The following NECAB3 variants were observed in gnomAD, a reference collection of about 807,000 sequenced individuals.
The protein encoded by NECAB3 is N-terminal EF-hand calcium binding protein 3, also known as N-terminal EF-hand calcium-binding protein 3.
A neutral mutation model predicts 57.2 loss-of-function variants in NECAB3; 38 were observed. The ratio of observed to expected loss-of-function variants is 0.66; its 90% CI spans 0.51 to 0.87. The LOEUF (loss-of-function observed/expected upper bound fraction) is 0.87, where lower values mean the gene tolerates loss of function less well. Ranked by LOEUF, NECAB3 falls within the 40% of genes least tolerant of loss-of-function variation. The probability of loss-of-function intolerance (pLI) is 0.00; values close to 1 mark genes in which losing one functional copy is unlikely to be tolerated. For missense variants in NECAB3, 474 were observed against 527.5 expected, an observed-to-expected ratio of 0.90 and a Z score of 0.99; for synonymous variants, 223 against 222.6, an observed-to-expected ratio of 1.00 and a Z score of -0.02.
At chr20:33,668,337 G>A (rs541530780) in intron 5 of NECAB3, 1 of 1,484,348 alleles carries the variant, frequency 6.7e-7, no homozygotes, top group South Asian at 1.4e-5. Flanking sequence ...GGTTGGAGCT[G>A]ACTGGATGGG....
At chr20:33,662,136 C>G in intron 5 of NECAB3, 2 of 595,208 alleles carry the variant, frequency 3.4e-6, no homozygotes, top group Non-Finnish European at 5.8e-6. Flanking sequence ...CATGCATTGC[C>G]TCATTTATGA....
chr20:33,669,588 C>A (rs951241015), intron 4 of NECAB3, 99 bp downstream of exon 4: 48 of 1,534,212 alleles, frequency 3.1e-5, no homozygotes, highest in Middle Eastern at 1.7e-4. Context: ...CTGAGCCCAG[C>A]CCAACCTGTC....
intron 5 of NECAB3, chr20:33,662,393 C>T (rs1302876683): frequency 6.4e-7 from 1 of 1,551,548 alleles, no homozygotes; most frequent in Admixed American, 2.0e-5. Context: ...CCAAGCAGGC[C>T]CGCAAGGAGA....
rs142844709 is a variant in NECAB3 at position 33,673,648 on chromosome 20, T to A, written c.129+576A>T. 5.3e-4 allele frequency among the ~76,000 whole-genome samples: 80 copies of A among 151,952 alleles called. No individual in the cohort carries two copies. The Middle Eastern group carries it at 0.02, about 39-fold the overall frequency. ...GTGGGGAGGGGGTGGGAGACAGCTT[T>A]GCCTCCCTCTGGAGTTGGGGCATGA... On this transcript the variant is annotated intron_variant, in intron 1 of 11. Transcript: ENST00000246190.
intron 5 of NECAB3, chr20:33,663,481 G>A: frequency 1.3e-6 from 2 of 1,556,530 alleles, no homozygotes; most frequent in Non-Finnish European, 1.7e-6. Flanking sequence ...CCCGGGTCGT[G>A]GGCTCGGCCC....
At position 33,667,635 on chromosome 20, in the gene NECAB3, C is replaced by A. The variant is rs147746551; in HGVS notation, c.387+1740G>T. On this transcript the variant is annotated intron_variant, in intron 5 of 11. Coordinates refer to ENST00000246190, the MANE Select transcript of NECAB3 (RefSeq NM_031232.4). Reference sequence around the variant, plus strand: ...GGCACCAGGCCACCTTCCGACTGAACGTGGCAGGCAGCACCCTGTCGCGCT... The same window carrying A: ...GGCACCAGGCCACCTTCCGACTGAAAGTGGCAGGCAGCACCCTGTCGCGCT... The A allele has an allele frequency of 2.6e-3, 4,187 of 1,605,878 alleles. 20 individuals carry two copies. The highest frequency in any genetic ancestry group is 9.3e-3 in the Middle Eastern group (56 of 6,044).
intron 5 of NECAB3, among the ~76,000 whole-genome samples, chr20:33,665,913 T>A (rs556841340): frequency 5.3e-5 from 8 of 152,182 alleles, no homozygotes; most frequent in African/African-American, 1.7e-4. Flanking sequence ...CGAAACCCTG[T>A]CTCCACTAAA....
chr20:33,668,179 A>C (rs773549194), intron 5 of NECAB3: 2 of 1,611,458 alleles, frequency 1.2e-6, no homozygotes, highest in Non-Finnish European at 1.7e-6. Context: ...CCGCTGGATA[A>C]CTCGGGCCAT....
intron 5 of NECAB3, chr20:33,664,307 A>C: frequency 6.1e-6 from 1 of 163,886 alleles, no homozygotes; most frequent in Non-Finnish European, 1.3e-5. Context: ...AACAGGCACC[A>C]TCCTGGGTAA....
chr20:33,668,351 C>A (rs943392063), intron 5 of NECAB3: 5 of 1,383,926 alleles, frequency 3.6e-6, no homozygotes, highest in Non-Finnish European at 3.8e-6. Context: ...GGATGGGTCA[C>A]CCCCATACCC....
In NECAB3 at chr20:33,657,789, C is replaced by T. The variant is rs901420983; in HGVS notation, c.*40G>A. 4.7e-6 allele frequency: 7 copies of T among 1,498,170 alleles called. No homozygotes were observed. The African/African-American group carries it at 9.8e-5, about 21-fold the overall frequency. 92.8% of individuals were successfully genotyped at this position (1,498,170 alleles called of 1,614,324 possible). On this transcript the variant is annotated 3_prime_UTR_variant, in exon 12 of 12. Coordinates refer to ENST00000246190, the MANE Select transcript of NECAB3 (RefSeq NM_031232.4). ...CAGTCCAGAAGGCTCCAGAGGGAGG[C>T]AGGCAGGGTCCCGGGGCCCTCGGCG... is the stretch of plus-strand genomic sequence containing the variant.
At chr20:33,658,434 G>A (rs771188511) in intron 10 of NECAB3, 43 bp downstream of exon 10, 60 of 1,588,600 alleles carry the variant, frequency 3.8e-5, no homozygotes, top group Non-Finnish European at 4.9e-5. Context: ...ACTCACTCCA[G>A]GGCCACATTC....
chr20:33,664,288 T>G, intron 5 of NECAB3: 3 of 168,880 alleles, frequency 1.8e-5, no homozygotes, highest in Non-Finnish European at 2.5e-5. Flanking sequence ...TGAGGGAGGG[T>G]TCCCGGCCAA....
intron 3 of NECAB3, 200 bp downstream of exon 3, chr20:33,670,484 G>A (rs902789434): frequency 8.7e-6 from 4 of 458,770 alleles, no homozygotes; most frequent in African/African-American, 6.0e-5. Flanking sequence ...CTATTTTGGG[G>A]TCCCAGCTGG....
At chr20:33,671,967 C>G (rs568902804) in intron 2 of NECAB3, 5 of 188,328 alleles carry the variant, frequency 2.7e-5, no homozygotes, top group African/African-American at 1.2e-4. Flanking sequence ...ACACAAGGAG[C>G]CTGGGATTAA....
At chr20:33,672,961 C>CAT (rs1248912386) in intron 1 of NECAB3, among the ~76,000 whole-genome samples, 2 of 152,146 alleles carry the variant, frequency 1.3e-5, no homozygotes, top group African/African-American at 4.8e-5. Flanking sequence ...TACCCACTAG[C>CAT]AAATAGATCA....
upstream of NECAB3, chr20:33,674,869 T>A (rs1445922313): frequency 6.6e-6 from 1 of 152,250 alleles, no homozygotes; most frequent in Non-Finnish European, 1.5e-5. Context: ...GCCCGCCCTC[T>A]CTGGCACTAA....
At chr20:33,670,905 C>A in intron 2 of NECAB3, 113 bp from the exon 3 acceptor site, 1 of 698,964 alleles carries the variant, frequency 1.4e-6, no homozygotes, top group Non-Finnish European at 2.4e-6. Flanking sequence ...AACCATCTAG[C>A]TAGGTGAGAT....
chr20:33,658,866 G>A (rs529505671), intron 8 of NECAB3, 32 bp from the exon 9 acceptor site: 61 of 1,543,258 alleles, frequency 4.0e-5, no homozygotes, highest in Admixed American at 6.8e-5. Context: ...CAGCTGGTGC[G>A]GGGCCGGGCA....
Sources: allele counts gnomAD v4.1 joint callset (sites outside exome capture counted in the v4.1 genomes callset), GRCh38; gene constraint gnomAD v4.1.1; transcripts MANE v1.5; gene names NCBI Gene and HGNC (gene_info 2026-07-23, HGNC 2026-07-21).